Variants in SYNE1 observed in about 807,000 individuals in gnomAD.
The protein encoded by SYNE1 is spectrin repeat containing nuclear envelope protein 1.
In SYNE1, 616 loss-of-function variants were observed where a neutral mutation model predicts 1,111.0. The ratio of observed to expected loss-of-function variants is 0.55; its 90% CI spans 0.52 to 0.59. SYNE1 has a LOEUF of 0.59. Ranked by LOEUF, SYNE1 falls within the 20% of genes least tolerant of loss-of-function variation. SYNE1 has a pLI of 0.00. For missense variants in SYNE1, 10,006 were observed against 10,417.0 expected (o/e 0.96, Z 1.72); for synonymous variants, 3,855 against 3,825.8 (o/e 1.01, Z -0.28).
chr6:152,484,465 A>T (rs545788065), intron 13 of SYNE1, among the ~76,000 whole-genome samples: 6 of 152,332 alleles, frequency 3.9e-5, no homozygotes, highest in South Asian at 4.1e-4. Context: ...GAATACAAGA[A>T]GTTGCTGTGG....
At chr6:152,507,495 T>A (rs1321983438) in intron 8 of SYNE1, among the ~76,000 whole-genome samples, 1 of 152,138 alleles carries the variant, frequency 6.6e-6, no homozygotes. Context: ...ACACACTGTT[T>A]CCTATTGTAA....
At chr6:152,607,897 G>A (rs2099620443) in intron 3 of SYNE1, among the ~76,000 whole-genome samples, 1 of 152,182 alleles carries the variant, frequency 6.6e-6, no homozygotes, top group Non-Finnish European at 1.5e-5. Flanking sequence ...TATGAATGAA[G>A]CTGGAAGCCA....
intron 127 of SYNE1, among the ~76,000 whole-genome samples, chr6:152,194,537 T>C (rs1032467498): frequency 3.3e-5 from 5 of 152,240 alleles, no homozygotes; most frequent in African/African-American, 1.2e-4. Flanking sequence ...TACTTGGATA[T>C]TGATATCTTT....
intron 4 of SYNE1, among the ~76,000 whole-genome samples, chr6:152,535,082 A>G (rs1486409268): frequency 6.6e-6 from 1 of 152,248 alleles, no homozygotes; most frequent in African/African-American, 2.4e-5. Flanking sequence ...GAGGTAATCA[A>G]GTTAAAATGA....
intron 2 of SYNE1, among the ~76,000 whole-genome samples, chr6:152,634,040 TTC>T (rs1313434985): frequency 2.6e-5 from 4 of 152,280 alleles, no homozygotes; most frequent in Admixed American, 1.3e-4. Flanking sequence ...ACTCAATTTT[TTC>T]TGTCTCTTGG....
intron 34 of SYNE1, 159 bp downstream of exon 34, chr6:152,433,636 A>T (rs1203615177): frequency 1.2e-6 from 1 of 818,158 alleles, no homozygotes; most frequent in African/African-American, 1.7e-5. Context: ...CCCAGTATTA[A>T]TCCAGACCTC....
intron 3 of SYNE1, among the ~76,000 whole-genome samples, chr6:152,604,758 A>C (rs886367933): frequency 1.3e-5 from 2 of 151,410 alleles, no homozygotes; most frequent in African/African-American, 4.9e-5. Flanking sequence ...TGGGAAACAT[A>C]GTGAGGCCCC....
In SYNE1 at chr6:152,224,872, A is replaced by C. The variant is rs369045035; in HGVS notation, c.21352-208T>G. Among the ~76,000 whole-genome samples, 33 of 148,112 alleles carry C rather than the reference A, an allele frequency of 2.2e-4. No individual in the cohort carries two copies. The South Asian group carries it at 6.8e-3, about 30-fold the overall frequency. On this transcript the variant is annotated intron_variant, in intron 116 of 145. Coordinates refer to ENST00000367255, the MANE Select transcript of SYNE1 (RefSeq NM_182961.4). Reference sequence around the variant, plus strand: ...TTCCACACTTTAAACACTCAGTTCTAAGTGGAAATGCTTAAAAGGGTAACT... The same window carrying C: ...TTCCACACTTTAAACACTCAGTTCTCAGTGGAAATGCTTAAAAGGGTAACT...
chr6:152,236,472 T>C (rs1389394439), intron 109 of SYNE1, among the ~76,000 whole-genome samples, 169 bp from the exon 110 acceptor site: 3 of 152,126 alleles, frequency 2.0e-5, no homozygotes, highest in Non-Finnish European at 4.4e-5. Flanking sequence ...TATTTAAGTA[T>C]AGACAGTCTC....
chr6:152,225,839 A>G lies in SYNE1; in HGVS notation c.21233T>C (p.Val7078Ala), dbSNP rs751132015. ...EDLIKAKEKE[V>A]EKIEQNGLAL... ...AAGTCCATTCTGCTCAATTTTCTCT[A>G]CTTCTTTTTCTTTTGCTTTAATCAA... Residue 7078 changes from valine (V) to alanine (A), a missense_variant, in exon 116 of 146, where the codon GTA becomes GCA. Around this residue, in one of 7 missense-constraint regions of SYNE1, gnomAD observed 2,182 missense variants for 2,287.8 expected, o/e 0.95. Coordinates refer to ENST00000367255, the MANE Select transcript of SYNE1 (RefSeq NM_182961.4). The G allele has an allele frequency of 6.2e-7, 1 of 1,613,724 alleles. No individual in the cohort carries two copies.
At position 152,459,020 on chromosome 6, in the gene SYNE1, T is replaced by C; in HGVS notation, c.2395-90A>G. 2.7e-6 allele frequency: 3 copies of C among 1,101,572 alleles called. No individual in the cohort carries two copies. In the South Asian group the frequency reaches 3.9e-5, roughly 14 times the overall value. 68.2% of individuals were successfully genotyped at this position (1,101,572 alleles called of 1,614,324 possible). ...TCATAGCTCTGAGGAACATTTTCTT[T>C]AGTGACATGATCATTTGGTGCTTAC... On this transcript the variant is annotated intron_variant, in intron 21 of 145. Coordinates refer to ENST00000367255, the MANE Select transcript of SYNE1 (RefSeq NM_182961.4).
In SYNE1 at chr6:152,318,281, TGAAA is replaced by T; in HGVS notation, c.16390-22_16390-19del. On this transcript the variant is annotated intron_variant, in intron 85 of 145. Coordinates refer to ENST00000367255, the MANE Select transcript of SYNE1 (RefSeq NM_182961.4). Reference sequence around the variant, plus strand: ...CCCAGCACCTTGATGGTCACCAAAATGAAAGAACATTAGAGTACAGAAAATAAAT... The same window carrying T: ...CCCAGCACCTTGATGGTCACCAAAATGAACATTAGAGTACAGAAAATAAAT... 1 of 1,614,032 alleles carries T rather than the reference TGAAA, an allele frequency of 6.2e-7. No individual in the cohort carries two copies.
Position 152,358,421 on chromosome 6 carries a change from A to G in SYNE1, c.10560T>C (p.Val3520=), listed in dbSNP as rs753535813. ...QEQEKLDQYS[V]LEGDAHTHET... is the part of the protein sequence containing the mutation. ...CATGAGTGTGGGCATCACCTTCAAG[A>G]ACTGAATACTGGTCGAGCTTTTCTT... Residue 3520 remains valine, a synonymous_variant, in exon 66 of 146, where the codon GTT becomes GTC. Transcript: ENST00000367255. 8 of 1,614,084 alleles carry G rather than the reference A, an allele frequency of 5.0e-6. No individual in the cohort carries two copies. The highest frequency in any genetic ancestry group is 1.7e-6 in the Non-Finnish European group (2 of 1,180,046).
intron 131 of SYNE1, among the ~76,000 whole-genome samples, chr6:152,158,520 T>C (rs969387768): frequency 2.6e-5 from 4 of 152,186 alleles, no homozygotes; most frequent in African/African-American, 9.6e-5. Context: ...AACTAGACAC[T>C]AGACGATAAA....
intron 131 of SYNE1, among the ~76,000 whole-genome samples, chr6:152,156,713 A>C (rs1327893223): frequency 2.6e-5 from 4 of 152,206 alleles, no homozygotes; most frequent in African/African-American, 9.7e-5. Context: ...TGTTTTCCAA[A>C]TACTTTTGAT....
intron 39 of SYNE1, among the ~76,000 whole-genome samples, chr6:152,420,814 C>G (rs1346204660): frequency 6.6e-6 from 1 of 151,580 alleles, no homozygotes; most frequent in Non-Finnish European, 1.5e-5. Flanking sequence ...ACTTTTTTTT[C>G]TTTGAATTGT....
chr6:152,298,562 C>CT (rs755326728), intron 93 of SYNE1, among the ~76,000 whole-genome samples: 8,401 of 145,920 alleles, frequency 0.058, 309 homozygotes, highest in African/African-American at 0.1. Flanking sequence ...GGCACAAAAC[C>CT]TTTTTTTTTT....
intron 53 of SYNE1, 46 bp downstream of exon 53, chr6:152,390,234 A>T: frequency 6.2e-7 from 1 of 1,607,882 alleles, no homozygotes; most frequent in East Asian, 2.2e-5. Context: ...CATTTTACTA[A>T]GTCACTGCAT....
rs556330219 is a variant in SYNE1, at chr6:152,362,460, C to G, written c.10146-137G>C. ...AGAAGCTTGCTTGGGAGTGAGCAGG[C>G]TGCCCAGGGCTTAAGGACACTGAGT... On this transcript the variant is annotated intron_variant, in intron 63 of 145. Transcript: ENST00000367255. 18 of 1,127,014 alleles carry G rather than the reference C, an allele frequency of 1.6e-5. No homozygotes were observed. In the East Asian group the frequency reaches 4.5e-4, roughly 28 times the overall value. 69.8% of individuals were successfully genotyped at this position (1,127,014 alleles called of 1,614,324 possible). A position where few individuals can be genotyped will look rare whatever the true frequency, so the allele number is the denominator to read the frequency against.
Sources: gnomAD v4.1 joint callset for allele counts (sites outside exome capture counted in the v4.1 genomes callset) on GRCh38, gnomAD v4.1.1 for gene constraint, gnomAD v4.1.1 regional missense constraint, MANE v1.5 for transcripts, NCBI Gene and HGNC (gene_info 2026-07-23, HGNC 2026-07-21) for gene names.